Variants in COL6A2 observed in about 807,000 individuals in gnomAD.
The protein encoded by COL6A2 is collagen alpha-2(VI) chain.
A neutral mutation model predicts 124.9 loss-of-function variants in COL6A2; 90 were observed. That is an observed-to-expected ratio of 0.72 (90% CI 0.61 to 0.86). The LOEUF is 0.86. Ranked by LOEUF, COL6A2 falls within the 40% of genes least tolerant of loss-of-function variation. The probability of loss-of-function intolerance (pLI) is 0.00; values close to 1 mark genes in which losing one functional copy is unlikely to be tolerated. For synonymous variants in COL6A2, 793 were observed against 618.2 expected (o/e 1.28, Z -4.19); for missense variants, 1,607 against 1,502.5 (o/e 1.07, Z -1.15).
At chr21:46,123,051 C>A (rs1399086276) in intron 21 of COL6A2, 114 bp downstream of exon 21, 1 of 1,015,722 alleles carries the variant, frequency 9.8e-7, no homozygotes, top group Admixed American at 1.8e-5. Flanking sequence ...TGGCCCCAGC[C>A]ATGAGCACCA....
intron 21 of COL6A2, among the ~76,000 whole-genome samples, chr21:46,123,739 GATGGATGGCTGA>G (rs925523672): frequency 2.2e-5 from 3 of 134,944 alleles, no homozygotes; most frequent in African/African-American, 7.5e-5. Flanking sequence ...GTGGTTAGAT[GATGGATGGCTGA>G]ATGGATGAGT....
chr21:46,125,157 T>C, intron 23 of COL6A2, 109 bp from the exon 24 acceptor site: 1 of 1,160,084 alleles, frequency 8.6e-7, no homozygotes, highest in South Asian at 1.3e-5. Flanking sequence ...CCCGCATGGC[T>C]GCCTCCACAC....
intron 27 of COL6A2, among the ~76,000 whole-genome samples, chr21:46,130,605 G>GC (rs1291193913): frequency 6.6e-6 from 1 of 152,142 alleles, no homozygotes; most frequent in South Asian, 2.1e-4. Context: ...TGCCTGGCCG[G>GC]CCCCCACAGC....
At chr21:46,100,852 G>T (rs1449765119) in intron 1 of COL6A2, among the ~76,000 whole-genome samples, 1 of 152,194 alleles carries the variant, frequency 6.6e-6, no homozygotes, top group East Asian at 1.9e-4. Flanking sequence ...GAATGATGTG[G>T]CCATGAACAC....
At chr21:46,121,687 G>A (rs2078569104) in intron 18 of COL6A2, 69 bp downstream of exon 18, 5 of 1,504,948 alleles carry the variant, frequency 3.3e-6, no homozygotes, top group African/African-American at 1.4e-5. Flanking sequence ...AGGACAGGGG[G>A]CCGGCCTGGG....
At chr21:46,106,824 G>T (rs2078339889) in intron 1 of COL6A2, among the ~76,000 whole-genome samples, 1 of 152,152 alleles carries the variant, frequency 6.6e-6, no homozygotes, top group African/African-American at 2.4e-5. Context: ...GATAGCACAA[G>T]CTTTCTCATC....
chr21:46,123,039 C>T, intron 21 of COL6A2, 102 bp downstream of exon 21: 3 of 1,202,440 alleles, frequency 2.5e-6, no homozygotes, highest in Non-Finnish European at 3.7e-6. Flanking sequence ...CGCCAGGCAG[C>T]TTGGCCCCAG....
At chr21:46,123,573 AGTGAATAGAAGAGTGG>A (rs1245547946) in intron 21 of COL6A2, among the ~76,000 whole-genome samples, 2 of 151,690 alleles carry the variant, frequency 1.3e-5, no homozygotes, top group East Asian at 3.9e-4. Context: ...TGGATGGATG[AGTGAATAGAAGAGTGG>A]GTGGATAGAA....
At position 46,116,925 on chromosome 21, in the gene COL6A2, A is replaced by G. The variant is rs2078480960; in HGVS notation, c.999+111A>G. ...TCAGCTTACACATGTGTACACACGC[A>G]TACACACACACACACACACACACAC... On this transcript the variant is annotated intron_variant, in intron 10 of 27. Transcript: ENST00000300527. The surrounding 1 kb of genome is among the most constrained non-coding windows in gnomAD (Gnocchi z 4.6). 2 of 849,298 alleles carry G rather than the reference A, an allele frequency of 2.4e-6. No homozygotes were observed. Among genetic ancestry groups the G allele is most frequent in the Middle Eastern group, 3.1e-4 (1 of 3,208 alleles). The allele number at this position is 849,298 out of a possible 1,614,324, so 52.6% of individuals were successfully genotyped here. A position where few individuals can be genotyped will look rare whatever the true frequency, so the allele number is the denominator to read the frequency against.
At chr21:46,123,753 T>C (rs537021266) in intron 21 of COL6A2, among the ~76,000 whole-genome samples, 66 of 130,690 alleles carry the variant, frequency 5.1e-4, no homozygotes, top group African/African-American at 1.7e-3. Flanking sequence ...GATGGCTGAA[T>C]GGATGAGTGG....
chr21:46,105,426 T>G (rs76828779), intron 1 of COL6A2, among the ~76,000 whole-genome samples: 1 of 152,124 alleles, frequency 6.6e-6, no homozygotes, highest in Admixed American at 6.6e-5. Flanking sequence ...AAGGTAAATA[T>G]ATAGACAATT....
At chr21:46,100,840 G>A (rs1014667948) in intron 1 of COL6A2, among the ~76,000 whole-genome samples, 1 of 152,226 alleles carries the variant, frequency 6.6e-6, no homozygotes. Flanking sequence ...TTGAGCTACT[G>A]TGAATGATGT....
At chr21:46,122,006 GCCCACTTCCAC>G (rs2078574085) in intron 18 of COL6A2, 91 bp from the exon 19 acceptor site, 1 of 1,264,162 alleles carries the variant, frequency 7.9e-7, no homozygotes, top group Admixed American at 1.9e-5. Flanking sequence ...GGCACCCCTA[GCCCACTTCCAC>G]CCCAGTGTGC....
intron 1 of COL6A2, chr21:46,099,070 G>A (rs1346288648): frequency 6.6e-6 from 1 of 152,332 alleles, no homozygotes; most frequent in Non-Finnish European, 1.5e-5. Context: ...CAGAAAGGAG[G>A]GGCCTGCGAT....
At chr21:46,114,318 G>A (rs1032269945) in intron 5 of COL6A2, among the ~76,000 whole-genome samples, 5 of 151,942 alleles carry the variant, frequency 3.3e-5, no homozygotes, top group African/African-American at 7.3e-5. Context: ...CCAGCTACTC[G>A]GGAGGCTGAG....
At chr21:46,130,927 G>A (rs1384359396) in intron 27 of COL6A2, among the ~76,000 whole-genome samples, 1 of 152,244 alleles carries the variant, frequency 6.6e-6, no homozygotes, top group African/African-American at 2.4e-5. Flanking sequence ...AGCGTTCTGT[G>A]AAGGCTGCGG....
rs759865245 is a variant in COL6A2, at chr21:46,122,546, T to C, written c.1608+15T>C. The C allele has an allele frequency of 1.2e-6, 2 of 1,612,296 alleles. No homozygotes were observed. The highest frequency in any genetic ancestry group is 2.2e-5 in the South Asian group (2 of 91,070). On this transcript the variant is annotated intron_variant, in intron 20 of 27. Coordinates refer to ENST00000300527, the MANE Select transcript of COL6A2 (RefSeq NM_001849.4). Reference sequence around the variant, plus strand: ...GCGGCCCCGAGGTATGTGTGGGTCCTGGCCACCTGTGCCCACCCAGGGTGG... The same window carrying C: ...GCGGCCCCGAGGTATGTGTGGGTCCCGGCCACCTGTGCCCACCCAGGGTGG...
intron 27 of COL6A2, among the ~76,000 whole-genome samples, chr21:46,128,389 G>T (rs1358989540): frequency 6.6e-6 from 1 of 152,242 alleles, no homozygotes; most frequent in Non-Finnish European, 1.5e-5. Context: ...GGCTCCAGGA[G>T]ATGCAGCAGG....
At chr21:46,124,131 A>C (rs1429001058) in intron 21 of COL6A2, among the ~76,000 whole-genome samples, 1 of 148,514 alleles carries the variant, frequency 6.7e-6, no homozygotes, top group Admixed American at 6.8e-5. Flanking sequence ...GGGTGGATGG[A>C]TAGATGGGTA....
Sources: gnomAD v4.1 joint callset for allele counts (sites outside exome capture counted in the v4.1 genomes callset) on GRCh38, gnomAD v4.1.1 for gene constraint, Gnocchi (gnomAD v3.1) non-coding constraint, MANE v1.5 for transcripts, NCBI Gene and HGNC (gene_info 2026-07-23, HGNC 2026-07-21) for gene names.